The following DNTTIP1 variants were observed in gnomAD, a reference collection of about 807,000 sequenced individuals.
The protein encoded by DNTTIP1 is deoxynucleotidyltransferase terminal-interacting protein 1.
DNTTIP1 carries 22 observed loss-of-function variants against 52.9 expected under a neutral mutation model. The ratio of observed to expected loss-of-function variants is 0.42; its 90% CI spans 0.30 to 0.59. DNTTIP1 has a LOEUF of 0.59. Ranked by LOEUF, DNTTIP1 falls within the 20% of genes least tolerant of loss-of-function variation. The probability of loss-of-function intolerance (pLI) is 0.22; values close to 1 mark genes in which losing one functional copy is unlikely to be tolerated. For synonymous variants in DNTTIP1, 136 were observed against 155.1 expected (o/e 0.88, Z 0.92); for missense variants, 286 against 435.5 (o/e 0.66, Z 3.06).
intron 4 of DNTTIP1, among the ~76,000 whole-genome samples, 189 bp downstream of exon 4, chr20:45,795,632 C>T (rs1468454379): frequency 2.0e-5 from 3 of 152,188 alleles, no homozygotes; most frequent in East Asian, 1.9e-4. Flanking sequence ...AACCCCATCT[C>T]TACAAACAAT....
At position 45,791,954 on chromosome 20, in the gene DNTTIP1, A is replaced by G. The variant is rs1460835888; in HGVS notation, c.-51A>G. On this transcript the variant is annotated 5_prime_UTR_variant, in exon 1 of 13. Coordinates refer to ENST00000372622, the MANE Select transcript of DNTTIP1 (RefSeq NM_052951.3). Reference sequence around the variant, plus strand: ...CGCGCTCCAGTGACGTCACGGCGCCACTTTCCGGCCGGTGACAGAGTCCAG... The same window carrying G: ...CGCGCTCCAGTGACGTCACGGCGCCGCTTTCCGGCCGGTGACAGAGTCCAG... 2 of 1,177,940 alleles carry G rather than the reference A, an allele frequency of 1.7e-6. No individual in the cohort carries two copies. Among genetic ancestry groups the G allele is most frequent in the Non-Finnish European group, 1.1e-6 (1 of 936,604 alleles). The allele number at this position is 1,177,940 out of a possible 1,614,324, so 73.0% of individuals were successfully genotyped here.
In DNTTIP1 at chr20:45,809,048, C is replaced by T; in HGVS notation, c.724-66C>T. On this transcript the variant is annotated intron_variant, in intron 10 of 12. Transcript: ENST00000372622. The surrounding 1 kb of genome is among the most constrained non-coding windows in gnomAD (Gnocchi z 4.2). The stretch of plus-strand genomic sequence containing the variant: ...GAACTGCTCAAGGGCCAAGAGTATG[C>T]TCTGGGACCAAATGAGAAAAGCCCC... The T allele has an allele frequency of 1.4e-6, 2 of 1,425,862 alleles. No individual in the cohort carries two copies. The highest frequency in any genetic ancestry group is 2.0e-6 in the Non-Finnish European group (2 of 1,011,176). 88.3% of individuals were successfully genotyped at this position (1,425,862 alleles called of 1,614,324 possible).
intron 6 of DNTTIP1, 55 bp from the exon 7 acceptor site, chr20:45,801,944 G>T: frequency 6.4e-7 from 1 of 1,554,494 alleles, no homozygotes. Context: ...ACCTGCCAAT[G>T]GGGTATGGGG....
intron 3 of DNTTIP1, 75 bp downstream of exon 3, chr20:45,794,092 C>T: frequency 2.3e-6 from 2 of 875,442 alleles, no homozygotes. Context: ...CATCACCAGT[C>T]TGTCTCTTTC....
intron 8 of DNTTIP1, among the ~76,000 whole-genome samples, chr20:45,803,595 C>T (rs1338105552): frequency 6.6e-6 from 1 of 152,216 alleles, no homozygotes; most frequent in Admixed American, 6.5e-5. Flanking sequence ...TGAGTCTTTG[C>T]TGAAGCCTTC....
chr20:45,794,061 G>T (rs751419626), intron 3 of DNTTIP1, 44 bp downstream of exon 3: 1 of 1,326,832 alleles, frequency 7.5e-7, no homozygotes, highest in Non-Finnish European at 1.1e-6. Flanking sequence ...AAAGACTCAT[G>T]AGGAGCCCAG....
At chr20:45,792,322 T>C (rs1036656299) in intron 1 of DNTTIP1, among the ~76,000 whole-genome samples, 1 of 152,216 alleles carries the variant, frequency 6.6e-6, no homozygotes, top group African/African-American at 2.4e-5. Flanking sequence ...CAGGATCCTC[T>C]TCTATAAAAT....
Position 45,809,215 on chromosome 20 carries a change from G to A in DNTTIP1, c.795+30G>A. On this transcript the variant is annotated intron_variant, in intron 11 of 12. Coordinates refer to ENST00000372622, the MANE Select transcript of DNTTIP1 (RefSeq NM_052951.3). This position sits in a 1 kb window ranked among gnomAD's most constrained non-coding sequence, Gnocchi z 4.2. ...GCATTATTCATTTGTGCCACTGCCA[G>A]TGACCCACCCCACCTGGGAACCAGG... 2 of 1,605,078 alleles carry A rather than the reference G, an allele frequency of 1.2e-6. No individual in the cohort carries two copies. The highest frequency in any genetic ancestry group is 1.1e-5 in the South Asian group (1 of 90,834).
chr20:45,793,488 T>C (rs1165245465), intron 2 of DNTTIP1, among the ~76,000 whole-genome samples: 1 of 151,938 alleles, frequency 6.6e-6, no homozygotes, highest in Non-Finnish European at 1.5e-5. Flanking sequence ...TCACCTGAGG[T>C]TGGGAGTTCG....
chr20:45,800,697 ATATATATATAT>A (rs1568707765), intron 4 of DNTTIP1, among the ~76,000 whole-genome samples: 208 of 5,838 alleles, frequency 0.036, 27 homozygotes, highest in South Asian at 0.046. Flanking sequence ...AAAAAAAAAT[ATATATATATAT>A]ATATATATAT....
intron 1 of DNTTIP1, 41 bp downstream of exon 1, chr20:45,792,150 C>A: frequency 8.6e-7 from 1 of 1,158,780 alleles, no homozygotes; most frequent in Non-Finnish European, 1.1e-6. Flanking sequence ...AGGCCGGGCA[C>A]GGCCTCGGGG....
chr20:45,796,371 AT>A (rs1981237242), intron 4 of DNTTIP1: 4 of 410,746 alleles, frequency 9.7e-6, no homozygotes, highest in African/African-American at 4.6e-5. Context: ...CTAGAAAAAA[AT>A]TTTTAAAAGC....
At chr20:45,795,139 C>T (rs538068808) in intron 3 of DNTTIP1, among the ~76,000 whole-genome samples, 5 of 152,226 alleles carry the variant, frequency 3.3e-5, no homozygotes, top group Admixed American at 3.3e-4. Context: ...TTGGGCACCC[C>T]CACGATTATA....
intron 4 of DNTTIP1, among the ~76,000 whole-genome samples, chr20:45,800,695 ATATATATATATAT>A (rs1353830811): frequency 0.011 from 99 of 9,100 alleles, 7 homozygotes; most frequent in Middle Eastern, 0.11. Context: ...AAAAAAAAAA[ATATATATATATAT>A]ATATATATAT....
intron 10 of DNTTIP1, among the ~76,000 whole-genome samples, chr20:45,806,523 G>A (rs1223197142): frequency 6.6e-6 from 1 of 152,228 alleles, no homozygotes; most frequent in African/African-American, 2.4e-5. Context: ...TATCAGTCAC[G>A]AGAGCATCGA....
intron 6 of DNTTIP1, 73 bp from the exon 7 acceptor site, chr20:45,801,926 G>C (rs1981484693): frequency 7.0e-7 from 1 of 1,427,676 alleles, no homozygotes. Flanking sequence ...TCTGCCAAGT[G>C]ACCCTGGACC....
intron 10 of DNTTIP1, among the ~76,000 whole-genome samples, chr20:45,808,727 C>T (rs779216039): frequency 1.3e-5 from 2 of 152,222 alleles, no homozygotes; most frequent in African/African-American, 4.8e-5. Context: ...TGCTATTATG[C>T]GTCCGAGAGT....
At chr20:45,793,866 G>A in intron 2 of DNTTIP1, 55 bp from the exon 3 acceptor site, 1 of 1,154,854 alleles carries the variant, frequency 8.7e-7, no homozygotes, top group African/African-American at 1.6e-5. Flanking sequence ...TGGGGAGGCT[G>A]GGAAAGAATA....
chr20:45,798,466 A>G (rs528839846), intron 4 of DNTTIP1, among the ~76,000 whole-genome samples: 7 of 152,146 alleles, frequency 4.6e-5, no homozygotes, highest in African/African-American at 1.7e-4. Flanking sequence ...CATGTACCCT[A>G]AAACTTAAAG....
Sources: gnomAD v4.1 joint callset for allele counts (sites outside exome capture counted in the v4.1 genomes callset) on GRCh38, gnomAD v4.1.1 for gene constraint, Gnocchi (gnomAD v3.1) non-coding constraint, MANE v1.5 for transcripts, NCBI Gene and HGNC (gene_info 2026-07-23, HGNC 2026-07-21) for gene names.